Variants in PKNOX2 observed in about 807,000 individuals in gnomAD.
PKNOX2 encodes PBX/knotted 1 homeobox 2.
Under a neutral mutation model 53.1 loss-of-function variants are expected in PKNOX2, and 14 were observed. The ratio of observed to expected loss-of-function variants is 0.26; its 90% CI spans 0.17 to 0.41. The LOEUF (loss-of-function observed/expected upper bound fraction) is 0.41, where lower values mean the gene tolerates loss of function less well. PKNOX2 is among the 10% of genes least tolerant of loss of function. The pLI is 1.00. For synonymous variants in PKNOX2, 257 were observed against 242.8 expected (o/e 1.06, Z -0.54); for missense variants, 496 against 602.8 (o/e 0.82, Z 1.85).
At chr11:125,222,747 G>C (rs2135509685) in intron 1 of PKNOX2, among the ~76,000 whole-genome samples, 1 of 150,716 alleles carries the variant, frequency 6.6e-6, no homozygotes, top group Non-Finnish European at 1.5e-5. Flanking sequence ...GTCTGTGTCT[G>C]TGTGCCTGTG....
chr11:125,352,602 G>T lies in PKNOX2; in HGVS notation c.87+1210G>T, dbSNP rs528835988. On this transcript the variant is annotated intron_variant, in intron 4 of 12. Coordinates refer to ENST00000298282, the MANE Select transcript of PKNOX2 (RefSeq NM_001382323.2). The surrounding 1 kb of genome is among the most constrained non-coding windows in gnomAD (Gnocchi z 4.1). ...TGTAGTAGCTGCTTTATACATCATT[G>T]TCATCCTCTGGGAGATTACCAGATG... Among the ~76,000 whole-genome samples, 1 of 152,158 alleles carries T rather than the reference G, an allele frequency of 6.6e-6. No individual in the cohort carries two copies. Among genetic ancestry groups the T allele is most frequent in the Non-Finnish European group, 1.5e-5 (1 of 68,036 alleles).
intron 2 of PKNOX2, among the ~76,000 whole-genome samples, chr11:125,248,712 TTTATA>T (rs1358342467): frequency 5.4e-5 from 8 of 148,378 alleles, no homozygotes; most frequent in Non-Finnish European, 1.2e-4. Flanking sequence ...ATATAACACA[TTTATA>T]TTATATGTTA....
chr11:125,248,121 C>A (rs566144147), intron 2 of PKNOX2, among the ~76,000 whole-genome samples: 2 of 152,296 alleles, frequency 1.3e-5, no homozygotes, highest in South Asian at 4.2e-4. Context: ...TTGGCAAGTG[C>A]TGAATTTGCA....
intron 2 of PKNOX2, among the ~76,000 whole-genome samples, chr11:125,299,651 G>C (rs1359007527): frequency 6.6e-6 from 1 of 152,218 alleles, no homozygotes; most frequent in Non-Finnish European, 1.5e-5. Context: ...CTCAAAGATT[G>C]TTGGGAAAAA....
intron 2 of PKNOX2, among the ~76,000 whole-genome samples, chr11:125,323,678 T>C (rs1949658269): frequency 6.6e-6 from 1 of 152,206 alleles, no homozygotes; most frequent in Non-Finnish European, 1.5e-5. Flanking sequence ...AAATCGCAAT[T>C]TCTCCTGGAA....
At chr11:125,326,700 A>G (rs1468756136) in intron 2 of PKNOX2, among the ~76,000 whole-genome samples, 1 of 152,236 alleles carries the variant, frequency 6.6e-6, no homozygotes, top group Non-Finnish European at 1.5e-5. Flanking sequence ...CAGCCGATCA[A>G]GCATCATCAG....
intron 10 of PKNOX2, among the ~76,000 whole-genome samples, chr11:125,424,120 G>A (rs945274936): frequency 4.0e-5 from 6 of 151,898 alleles, no homozygotes; most frequent in South Asian, 2.1e-4. Flanking sequence ...GAGGTGTTTG[G>A]GGGGACAGAA....
At chr11:125,202,527 G>A (rs763546158) in intron 1 of PKNOX2, among the ~76,000 whole-genome samples, 2 of 152,214 alleles carry the variant, frequency 1.3e-5, no homozygotes, top group Non-Finnish European at 2.9e-5. Flanking sequence ...CAGGTGCACC[G>A]TGGAGAAGAA....
At chr11:125,302,842 G>T (rs942524515) in intron 2 of PKNOX2, among the ~76,000 whole-genome samples, 17 of 152,198 alleles carry the variant, frequency 1.1e-4, no homozygotes, top group African/African-American at 3.4e-4. Flanking sequence ...GCAGAGAAAA[G>T]TCAGGCAATA....
chr11:125,403,289 G>A (rs769597357), intron 7 of PKNOX2, among the ~76,000 whole-genome samples: 12 of 152,148 alleles, frequency 7.9e-5, no homozygotes, highest in Non-Finnish European at 1.5e-4. Context: ...GGGGCTAATA[G>A]TGGTGGCCGA....
intron 1 of PKNOX2, among the ~76,000 whole-genome samples, chr11:125,189,437 GTGTGTGTGTGTATATATATATA>G (rs1362725245): frequency 3.3e-4 from 19 of 57,262 alleles, no homozygotes; most frequent in Middle Eastern, 7.5e-3. Flanking sequence ...GTGTGTGTGT[GTGTGTGTGTGTATATATATATA>G]TATATATATA....
At position 125,375,294 on chromosome 11, in the gene PKNOX2, G is replaced by A. The variant is rs117153301; in HGVS notation, c.227+7309G>A. On this transcript the variant is annotated intron_variant, in intron 5 of 12. Coordinates refer to ENST00000298282, the MANE Select transcript of PKNOX2 (RefSeq NM_001382323.2). ...GAGGAGGTTCTTTTGGAAACTCACC[G>A]GATAAAGCAGAGATTCTCTCATACA... Among the ~76,000 whole-genome samples, 281 of 152,278 alleles carry A rather than the reference G, an allele frequency of 1.8e-3. 4 individuals are homozygous for A. The South Asian group carries it at 0.033, about 18-fold the overall frequency.
intron 2 of PKNOX2, among the ~76,000 whole-genome samples, chr11:125,237,602 GA>G (rs752268125): frequency 6.6e-6 from 1 of 152,164 alleles, no homozygotes; most frequent in African/African-American, 2.4e-5. Flanking sequence ...ACAGGCTAAA[GA>G]ACCCCCTGCC....
At chr11:125,345,687 C>G (rs1041505534) in intron 3 of PKNOX2, among the ~76,000 whole-genome samples, 2 of 152,166 alleles carry the variant, frequency 1.3e-5, no homozygotes, top group African/African-American at 4.8e-5. Context: ...TAGCCAACTC[C>G]GTTCTACCAG....
intron 2 of PKNOX2, among the ~76,000 whole-genome samples, chr11:125,299,625 T>C (rs1302525581): frequency 6.6e-6 from 1 of 152,160 alleles, no homozygotes; most frequent in Non-Finnish European, 1.5e-5. Flanking sequence ...GGGTTAATTA[T>C]ATCTGCCATG....
intron 2 of PKNOX2, chr11:125,266,554 T>C (rs1030767078): frequency 2.0e-5 from 3 of 152,164 alleles, no homozygotes; most frequent in African/African-American, 7.2e-5. Context: ...TTTTTAAAAA[T>C]AAAAGTAGGC....
intron 5 of PKNOX2, among the ~76,000 whole-genome samples, chr11:125,372,775 A>G (rs1275656941): frequency 6.6e-6 from 1 of 152,208 alleles, no homozygotes; most frequent in Non-Finnish European, 1.5e-5. Flanking sequence ...CTTAGCTCTG[A>G]GAATCTTGCA....
chr11:125,171,804 G>A (rs1955340163), intron 1 of PKNOX2, among the ~76,000 whole-genome samples: 1 of 152,268 alleles, frequency 6.6e-6, no homozygotes, highest in Admixed American at 6.5e-5. Flanking sequence ...CCCTGGCAGA[G>A]GCTGCAGTAG....
At chr11:125,313,710 C>A (rs1948971738) in intron 2 of PKNOX2, among the ~76,000 whole-genome samples, 1 of 152,112 alleles carries the variant, frequency 6.6e-6, no homozygotes, top group African/African-American at 2.4e-5. Flanking sequence ...TCTAACGTGG[C>A]AGCTGGTAGC....
Sources: allele counts gnomAD v4.1 joint callset (sites outside exome capture counted in the v4.1 genomes callset), GRCh38; gene constraint gnomAD v4.1.1; non-coding constraint Gnocchi (gnomAD v3.1); transcripts MANE v1.5; gene names NCBI Gene and HGNC (gene_info 2026-07-23, HGNC 2026-07-21).